The following MSH3 variants were observed in gnomAD, a reference collection of about 807,000 sequenced individuals.
The protein encoded by MSH3 is mutS homolog 3, also known as DNA mismatch repair protein Msh3.
In MSH3, 106 loss-of-function variants were observed where a neutral mutation model predicts 123.3. The ratio of observed to expected loss-of-function variants is 0.86; its 90% confidence interval spans 0.73 to 1.01. The LOEUF (loss-of-function observed/expected upper bound fraction) is 1.01. MSH3 is among the 50% of genes least tolerant of loss of function. The pLI is 0.00. For synonymous variants in MSH3, 515 were observed against 481.4 expected (o/e 1.07, Z -0.91); for missense variants, 1,459 against 1,347.6 (o/e 1.08, Z -1.29).
chr5:80,805,468 A>G (rs547471798), intron 19 of MSH3, among the ~76,000 whole-genome samples: 8 of 152,300 alleles, frequency 5.3e-5, no homozygotes, highest in Non-Finnish European at 8.8e-5. Context: ...GAGATACTCT[A>G]CACTTTAAAT....
chr5:80,735,960 C>T (rs1743497963), intron 10 of MSH3, among the ~76,000 whole-genome samples: 2 of 152,110 alleles, frequency 1.3e-5, no homozygotes, highest in African/African-American at 4.8e-5. Flanking sequence ...CGCAGTGGCT[C>T]ACGCCTGTAA....
chr5:80,662,089 A>G (rs919310058), intron 2 of MSH3, among the ~76,000 whole-genome samples: 2 of 152,232 alleles, frequency 1.3e-5, no homozygotes, highest in Non-Finnish European at 2.9e-5. Context: ...CATTAATCTC[A>G]TAAGATTATA....
intron 20 of MSH3, among the ~76,000 whole-genome samples, chr5:80,829,453 C>T (rs190936587): frequency 1.4e-4 from 22 of 152,184 alleles, no homozygotes; most frequent in African/African-American, 2.2e-4. Flanking sequence ...GAATGGGTGT[C>T]GGATTTTATC....
At chr5:80,707,771 T>C (rs1750756560) in intron 8 of MSH3, among the ~76,000 whole-genome samples, 1 of 152,170 alleles carries the variant, frequency 6.6e-6, no homozygotes, top group Non-Finnish European at 1.5e-5. Flanking sequence ...AAGTAGGTTT[T>C]GGAGTAGTAG....
At chr5:80,668,031 G>A (rs1380328522) in intron 3 of MSH3, among the ~76,000 whole-genome samples, 1 of 152,196 alleles carries the variant, frequency 6.6e-6, no homozygotes, top group Non-Finnish European at 1.5e-5. Flanking sequence ...GGGCTTCCTT[G>A]AGTGACAGAA....
intron 2 of MSH3, among the ~76,000 whole-genome samples, chr5:80,659,614 A>G (rs1580542981): frequency 6.6e-6 from 1 of 152,252 alleles, no homozygotes; most frequent in South Asian, 2.1e-4. Flanking sequence ...CATTTTCTTT[A>G]TTGTGGTAAA....
intron 23 of MSH3, among the ~76,000 whole-genome samples, chr5:80,875,176 G>A (rs866336925): frequency 1.3e-5 from 2 of 152,046 alleles, no homozygotes; most frequent in African/African-American, 2.4e-5. Context: ...TATCCTCATG[G>A]TATAGTTGGG....
intron 20 of MSH3, among the ~76,000 whole-genome samples, chr5:80,829,792 A>T (rs1327963257): frequency 1.3e-5 from 2 of 152,178 alleles, no homozygotes; most frequent in African/African-American, 4.8e-5. Context: ...TCTGAAACAG[A>T]TTATAGAGAA....
chr5:80,743,280 C>A (rs1743650432), intron 11 of MSH3, among the ~76,000 whole-genome samples: 1 of 152,164 alleles, frequency 6.6e-6, no homozygotes, highest in Non-Finnish European at 1.5e-5. Context: ...CTGATCTGAA[C>A]TGCCCTCCTT....
Position 80,781,498 on chromosome 5 carries a change from C to A in MSH3, c.2435+2662C>A, listed in dbSNP as rs73765874. Among the ~76,000 whole-genome samples, 669 of 145,902 alleles carry A rather than the reference C, an allele frequency of 4.6e-3. 6 individuals are homozygous for A. Among genetic ancestry groups the A allele is most frequent in the African/African-American group, 0.017 (646 of 38,980 alleles). On this transcript the variant is annotated intron_variant, in intron 17 of 23. Coordinates refer to ENST00000265081, the MANE Select transcript of MSH3 (RefSeq NM_002439.5). ...AAGTTCTTTTTTTTTTTTTTTTCCTCGCTCTGCCACCCAGGCTGGAGTGCA... is the reference window on the plus strand; with the variant it reads ...AAGTTCTTTTTTTTTTTTTTTTCCTAGCTCTGCCACCCAGGCTGGAGTGCA...
Position 80,779,196 on chromosome 5 carries a change from T to C in MSH3, c.2435+360T>C, listed in dbSNP as rs1411973806. On this transcript the variant is annotated intron_variant, in intron 17 of 23. Transcript: ENST00000265081. ...TTAGTAGAGACGGGATTTCGCCATG[T>C]TGGCCAGGCTGATGTTGTACTCCTG... Among the ~76,000 whole-genome samples, 11 of 152,028 alleles carry C rather than the reference T, an allele frequency of 7.2e-5. No homozygotes were observed. The East Asian group carries it at 2.1e-3, about 29-fold the overall frequency.
At chr5:80,753,319 C>A (rs1035258216) in intron 12 of MSH3, among the ~76,000 whole-genome samples, 2 of 152,122 alleles carry the variant, frequency 1.3e-5, no homozygotes, top group African/African-American at 2.4e-5. Flanking sequence ...TAGGATCTGC[C>A]CAGGTCATTT....
At chr5:80,671,652 C>T (rs6151642) in intron 4 of MSH3, among the ~76,000 whole-genome samples, 25 of 152,108 alleles carry the variant, frequency 1.6e-4, no homozygotes, top group Admixed American at 1.6e-3. Flanking sequence ...GGTTGGGGAG[C>T]GAGAGTGTTA....
rs1749676774 is a variant in MSH3, at chr5:80,670,320, T to C, written c.792+11T>C. ...GGGGAAGATGCAGAGGTAAGTCGTCTTTTCAGGCACTATTTTATATTTTTC... is the reference window on the plus strand; with the variant it reads ...GGGGAAGATGCAGAGGTAAGTCGTCCTTTCAGGCACTATTTTATATTTTTC... On this transcript the variant is annotated intron_variant, in intron 4 of 23. Transcript: ENST00000265081. 1 of 1,610,880 alleles carries C rather than the reference T, an allele frequency of 6.2e-7. No individual in the cohort carries two copies. Among genetic ancestry groups the C allele is most frequent in the Admixed American group, 1.7e-5 (1 of 60,002 alleles).
chr5:80,819,383 T>C (rs1745162239), intron 20 of MSH3, among the ~76,000 whole-genome samples: 1 of 150,014 alleles, frequency 6.7e-6, no homozygotes, highest in Non-Finnish European at 1.5e-5. Context: ...TATATGTGTA[T>C]ATATGTATAT....
rs1749201566 is a variant in MSH3, at chr5:80,654,886, G to T, written c.159G>T (p.Ala53=). The change falls in exon 1 of 24, where the codon GCG becomes GCT. Residue 53 remains alanine, a synonymous_variant. Transcript: ENST00000265081. ...ACCAGGTGGACCCTGGCGCTGCAGC[G>T]GCTGCAGCGGCCGCAGCGGCCGCAG... is the stretch of plus-strand genomic sequence containing the variant. The part of the protein sequence containing the change: ...AADQVDPGAA[A]AAAAAAAAAP... 1 of 854,480 alleles carries T rather than the reference G, an allele frequency of 1.2e-6. No individual in the cohort carries two copies. The highest frequency in any genetic ancestry group is 1.6e-6 in the Non-Finnish European group (1 of 616,094). 52.9% of individuals were successfully genotyped at this position (854,480 alleles called of 1,614,324 possible). A position where few individuals can be genotyped will look rare whatever the true frequency, so the allele number is the denominator to read the frequency against.
chr5:80,771,842 C>G (rs1744217553), intron 15 of MSH3, among the ~76,000 whole-genome samples: 1 of 152,110 alleles, frequency 6.6e-6, no homozygotes, highest in Non-Finnish European at 1.5e-5. Flanking sequence ...CATTAGAATA[C>G]TAAAGCCTTA....
chr5:80,727,851 T>C (rs1743329724), intron 9 of MSH3, among the ~76,000 whole-genome samples: 1 of 151,814 alleles, frequency 6.6e-6, no homozygotes, highest in African/African-American at 2.4e-5. Flanking sequence ...AATAGGATGG[T>C]AAAGGAAGGC....
chr5:80,684,301 A>G (rs372885527), intron 8 of MSH3, among the ~76,000 whole-genome samples: 4 of 152,060 alleles, frequency 2.6e-5, no homozygotes, highest in African/African-American at 7.2e-5. Flanking sequence ...TATTCTTCCA[A>G]TTCATGAACA....
Sources: gnomAD v4.1 joint callset for allele counts (sites outside exome capture counted in the v4.1 genomes callset) on GRCh38, gnomAD v4.1.1 for gene constraint, MANE v1.5 for transcripts, NCBI Gene and HGNC (gene_info 2026-07-23, HGNC 2026-07-21) for gene names.